Variants in PXN observed in about 807,000 individuals in gnomAD.
PXN encodes paxillin.
In PXN, 61 loss-of-function variants were observed where a neutral mutation model predicts 103.6. The ratio of observed to expected loss-of-function variants is 0.59; its 90% CI spans 0.48 to 0.73. PXN has a LOEUF of 0.73. Ranked by LOEUF, PXN falls within the 30% of genes least tolerant of loss-of-function variation. The probability of loss-of-function intolerance (pLI) is 0.00; values close to 1 mark genes in which losing one functional copy is unlikely to be tolerated. For synonymous variants in PXN, 562 were observed against 607.8 expected, an observed-to-expected ratio of 0.92 and a Z score of 1.11; for missense variants, 1,274 against 1,460.3, an observed-to-expected ratio of 0.87 and a Z score of 2.08.
Position 120,245,402 on chromosome 12 carries a change from G to A in PXN, c.13+20215C>T, listed in dbSNP as rs142414525. Among the ~76,000 whole-genome samples the A allele has an allele frequency of 1.3e-3, 193 of 151,192 alleles. 1 individual carries two copies. Among genetic ancestry groups the A allele is most frequent in the Non-Finnish European group, 1.8e-3 (120 of 67,878 alleles). ...TAGCCAGGGAGGAAGAAGACAACAC[G>A]TTCTCAGACGAGAATGGGAAAAGGA... On this transcript the variant is annotated intron_variant, in intron 1 of 14. Coordinates refer to ENST00000637617, the MANE Select transcript of PXN (RefSeq NM_001385981.1).
intron 1 of PXN, among the ~76,000 whole-genome samples, chr12:120,260,264 C>G (rs910910486): frequency 6.6e-6 from 1 of 152,160 alleles, no homozygotes; most frequent in Non-Finnish European, 1.5e-5. Flanking sequence ...AATGCCAACA[C>G]TTTGGGAGGC....
chr12:120,226,524 T>C, intron 1 of PXN: 1 of 1,237,698 alleles, frequency 8.1e-7, no homozygotes, highest in South Asian at 1.3e-5. Context: ...CAGGCTTCCT[T>C]GTCAAACATT....
chr12:120,263,642 A>G (rs1256641120), intron 1 of PXN, among the ~76,000 whole-genome samples: 1 of 152,208 alleles, frequency 6.6e-6, no homozygotes, highest in Non-Finnish European at 1.5e-5. Context: ...TCATGACAGC[A>G]TTGGCTTTAA....
rs368562038 is a variant in PXN at position 120,213,946 on chromosome 12, A to C, written c.2875T>G (p.Phe959Val). Residue 959 changes from phenylalanine (F) to valine (V), a missense_variant, in exon 14 of 15, where the codon TTC (phenylalanine) becomes GTC (valine). This residue lies in a region of PXN where 1,178 missense variants were observed against 1,309.0 expected (regional missense o/e 0.90). Coordinates refer to ENST00000637617, the MANE Select transcript of PXN (RefSeq NM_001385981.1). The surrounding 1 kb of genome is among the most constrained non-coding windows in gnomAD (Gnocchi z 4.2). ...DGKAYCRKDY[F>V]DMFAPKCGGC... The stretch of plus-strand genomic sequence containing the variant: ...CCACACTTGGGTGCGAACATGTCGA[A>C]GTAGTCCTTGCGACAGTAGGCCTTG... 2.4e-5 allele frequency: 38 copies of C among 1,612,530 alleles called. No individual in the cohort carries two copies. The highest frequency in any genetic ancestry group is 3.2e-5 in the Non-Finnish European group (38 of 1,179,454).
At chr12:120,227,495 T>C (rs914674107) in intron 1 of PXN, among the ~76,000 whole-genome samples, 1 of 152,228 alleles carries the variant, frequency 6.6e-6, no homozygotes, top group African/African-American at 2.4e-5. Context: ...AGCAAGACCC[T>C]GTCTTAAAAA....
In PXN at chr12:120,224,138, G is replaced by A. The variant is rs774977339; in HGVS notation, c.240+13C>T. 7 of 1,537,692 alleles carry A rather than the reference G, an allele frequency of 4.6e-6. No individual in the cohort carries two copies. Among genetic ancestry groups the A allele is most frequent in the Non-Finnish European group, 6.2e-6 (7 of 1,136,696 alleles). ...AGCCTCCTTGGCCTTCCCAGCCACT[G>A]TCCCCGCCTCACCTGCTGGTGGATG... On this transcript the variant is annotated intron_variant, in intron 2 of 14. Transcript: ENST00000637617. This position sits in a 1 kb window ranked among gnomAD's most constrained non-coding sequence, Gnocchi z 5.0.
chr12:120,256,987 C>A (rs993227234), intron 1 of PXN, among the ~76,000 whole-genome samples: 5 of 152,282 alleles, frequency 3.3e-5, no homozygotes, highest in Admixed American at 6.5e-5. Context: ...CCTCCCAAGG[C>A]TGGGATTACA....
intron 1 of PXN, among the ~76,000 whole-genome samples, chr12:120,255,619 G>A (rs553807554): frequency 9.9e-5 from 15 of 152,204 alleles, no homozygotes; most frequent in East Asian, 3.9e-4. Flanking sequence ...ACTTGAACCC[G>A]GGAGGCGGAG....
chr12:120,216,997 C>A lies in PXN; in HGVS notation c.1836G>T (p.Gln612His). The A allele has an allele frequency of 6.4e-7, 1 of 1,565,318 alleles. No homozygotes were observed. Among genetic ancestry groups the A allele is most frequent in the Non-Finnish European group, 8.6e-7 (1 of 1,163,568 alleles). Residue 612 changes from glutamine to histidine, a missense_variant, in exon 8 of 15, where the codon CAG becomes CAT. Around this residue, in one of 2 missense-constraint regions of PXN, gnomAD observed 1,178 missense variants for 1,309.0 expected, o/e 0.90. Transcript: ENST00000637617. The surrounding 1 kb of genome is among the most constrained non-coding windows in gnomAD (Gnocchi z 5.1). ...ATLSRTPSQE[Q>H]LIAELQGRLG... Reference sequence around the variant, plus strand: ...GCCGCCCCTGCAGCTCCGCGATGAGCTGTTCCTGGGATGGGGTCCTGCTCA... The same window carrying A: ...GCCGCCCCTGCAGCTCCGCGATGAGATGTTCCTGGGATGGGGTCCTGCTCA...
chr12:120,211,865 C>A lies in PXN; in HGVS notation c.*449G>T, dbSNP rs1443752762. The A allele has an allele frequency of 6.0e-6, 3 of 504,020 alleles. No homozygotes were observed. In the East Asian group the frequency reaches 1.7e-4, roughly 29 times the overall value. 31.2% of individuals were successfully genotyped at this position (504,020 alleles called of 1,614,324 possible). ...GCATTGTCTGGAGGGAGCCGGGTGTCCCCCAATAATCACAGAACAAAGACA... is the reference window on the plus strand; with the variant it reads ...GCATTGTCTGGAGGGAGCCGGGTGTACCCCAATAATCACAGAACAAAGACA... On this transcript the variant is annotated 3_prime_UTR_variant, in exon 15 of 15. Transcript: ENST00000637617.
In PXN at chr12:120,265,044, C is replaced by CTGACTTGTGAAATGAAATGGTGG. The variant is rs1299524143; in HGVS notation, c.13+572_13+573insCCACCATTTCATTTCACAAGTCA. Among the ~76,000 whole-genome samples, 36 of 151,826 alleles carry CTGACTTGTGAAATGAAATGGTGG rather than the reference C, an allele frequency of 2.4e-4. No individual in the cohort carries two copies. The highest frequency in any genetic ancestry group is 1.5e-3 in the Admixed American group (23 of 15,246). ...ACACGCTCATCTCTAGCTTTTGCAT[C>CTGACTTGTGAAATGAAATGGTGG]TGACTTGTGAAATGAAAGGGGTGGG... On this transcript the variant is annotated intron_variant, in intron 1 of 14. Coordinates refer to ENST00000637617, the MANE Select transcript of PXN (RefSeq NM_001385981.1). This position sits in a 1 kb window ranked among gnomAD's most constrained non-coding sequence, Gnocchi z 5.7.
chr12:120,246,289 G>A (rs1450834698), intron 1 of PXN, among the ~76,000 whole-genome samples: 1 of 152,152 alleles, frequency 6.6e-6, no homozygotes, highest in Non-Finnish European at 1.5e-5. Context: ...CACTTTGGGA[G>A]GCTGAGGTGG....
At chr12:120,237,859 A>G (rs374019596) in intron 1 of PXN, among the ~76,000 whole-genome samples, 1 of 152,152 alleles carries the variant, frequency 6.6e-6, no homozygotes, top group Non-Finnish European at 1.5e-5. Context: ...TCCCATGCAC[A>G]GAAGCTCCAA....
chr12:120,223,458 A>G (rs1451423591), intron 3 of PXN, among the ~76,000 whole-genome samples: 1 of 152,128 alleles, frequency 6.6e-6, no homozygotes, highest in Non-Finnish European at 1.5e-5. Flanking sequence ...AAAGAAAAAA[A>G]GAAGAGGGGA....
At chr12:120,246,139 C>T (rs1213455183) in intron 1 of PXN, among the ~76,000 whole-genome samples, 3 of 151,296 alleles carry the variant, frequency 2.0e-5, no homozygotes, top group Non-Finnish European at 2.9e-5. Context: ...ATAATCCCAG[C>T]GCATTGGGAG....
At chr12:120,255,844 G>A (rs929380932) in intron 1 of PXN, among the ~76,000 whole-genome samples, 3 of 150,136 alleles carry the variant, frequency 2.0e-5, no homozygotes, top group African/African-American at 4.9e-5. Flanking sequence ...TCAGGAGTTC[G>A]AGACCAGCCT....
At chr12:120,256,529 A>G (rs945314944) in intron 1 of PXN, among the ~76,000 whole-genome samples, 1 of 151,904 alleles carries the variant, frequency 6.6e-6, no homozygotes. Context: ...CTGACAGAAG[A>G]TGATGACCAT....
rs753229047 is a variant in PXN at position 120,217,150 on chromosome 12, C to G, written c.1717-34G>C. ...AGGGGGAGGGGAGGCTGTCACCGTCCCACTCCCAGCTTGCACAACGCTGCT... is the reference window on the plus strand; with the variant it reads ...AGGGGGAGGGGAGGCTGTCACCGTCGCACTCCCAGCTTGCACAACGCTGCT... On this transcript the variant is annotated intron_variant, in intron 7 of 14. Transcript: ENST00000637617. The surrounding 1 kb of genome is among the most constrained non-coding windows in gnomAD (Gnocchi z 4.1). 9.9e-6 allele frequency: 15 copies of G among 1,512,812 alleles called. No homozygotes were observed. The highest frequency in any genetic ancestry group is 1.3e-5 in the Non-Finnish European group (14 of 1,119,298). 93.7% of individuals were successfully genotyped at this position (1,512,812 alleles called of 1,614,324 possible).
At chr12:120,254,077 C>T (rs1433089834) in intron 1 of PXN, among the ~76,000 whole-genome samples, 1 of 152,086 alleles carries the variant, frequency 6.6e-6, no homozygotes, top group East Asian at 1.9e-4. Context: ...GAGGGTTTCG[C>T]CATGTTGGCC....
Sources: gnomAD v4.1 joint callset for allele counts (sites outside exome capture counted in the v4.1 genomes callset) on GRCh38, gnomAD v4.1.1 for gene constraint, gnomAD v4.1.1 regional missense constraint, Gnocchi (gnomAD v3.1) non-coding constraint, MANE v1.5 for transcripts, NCBI Gene and HGNC (gene_info 2026-07-23, HGNC 2026-07-21) for gene names.